The following BTBD10 variants were observed in gnomAD, a reference collection of about 807,000 sequenced individuals.
BTBD10 encodes BTB domain containing 10.
BTBD10 carries 21 observed loss-of-function variants against 53.2 expected under a neutral mutation model. The ratio of observed to expected loss-of-function variants is 0.39; its 90% CI spans 0.28 to 0.57. BTBD10 has a LOEUF of 0.57. Among genes scored for constraint, BTBD10 ranks in the 20% least tolerant of loss-of-function variants. BTBD10 has a pLI of 0.53. For missense variants in BTBD10, 360 were observed against 594.7 expected (o/e 0.61, Z 4.10); for synonymous variants, 149 against 192.7 (o/e 0.77, Z 1.88).
At chr11:13,409,598 C>G (rs1299317488) in intron 6 of BTBD10, among the ~76,000 whole-genome samples, 2 of 152,116 alleles carry the variant, frequency 1.3e-5, no homozygotes, top group African/African-American at 4.8e-5. Flanking sequence ...CATTCCTTCC[C>G]ACTTAAACCT....
intron 1 of BTBD10, among the ~76,000 whole-genome samples, chr11:13,455,226 A>G (rs1463581687): frequency 6.6e-6 from 1 of 152,148 alleles, no homozygotes; most frequent in Non-Finnish European, 1.5e-5. Flanking sequence ...TTGTCCACTT[A>G]AAGGGTGATC....
chr11:13,408,286 C>A (rs1159691865), intron 6 of BTBD10, among the ~76,000 whole-genome samples: 1 of 152,190 alleles, frequency 6.6e-6, no homozygotes, highest in Non-Finnish European at 1.5e-5. Flanking sequence ...TACATTCCCC[C>A]AACATCTGCT....
At chr11:13,396,486 AC>A (rs1466705194) in intron 8 of BTBD10, among the ~76,000 whole-genome samples, 3 of 152,190 alleles carry the variant, frequency 2.0e-5, no homozygotes, top group African/African-American at 4.8e-5. Context: ...TCATCTGCAA[AC>A]AGGGACAATT....
chr11:13,437,736 CTG>C (rs1049109980), intron 2 of BTBD10, among the ~76,000 whole-genome samples: 19 of 152,142 alleles, frequency 1.2e-4, no homozygotes, highest in African/African-American at 4.6e-4. Flanking sequence ...CATTTTTAAA[CTG>C]TTTTTCTTCA....
Position 13,388,653 on chromosome 11 carries a change from A to G in BTBD10, c.*178T>C, listed in dbSNP as rs1591076520. 2 of 605,334 alleles carry G rather than the reference A, an allele frequency of 3.3e-6. No individual in the cohort carries two copies. The highest frequency in any genetic ancestry group is 2.8e-5 in the East Asian group (1 of 35,612). The allele number at this position is 605,334 out of a possible 1,614,324, so 37.5% of individuals were successfully genotyped here. A position where few individuals can be genotyped will look rare whatever the true frequency, so the allele number is the denominator to read the frequency against. ...TGGAACTTCAAAATGCTAGAGTTGT[A>G]CTCATTTAAAAAAAAACCATTCAGC... On this transcript the variant is annotated 3_prime_UTR_variant, in exon 9 of 9. Transcript: ENST00000278174.
intron 6 of BTBD10, among the ~76,000 whole-genome samples, chr11:13,409,711 G>A (rs1949900150): frequency 6.6e-6 from 1 of 152,006 alleles, no homozygotes. Flanking sequence ...ATTCTCCACA[G>A]ACCCTTTGTC....
At chr11:13,441,206 G>A (rs1202677707) in intron 2 of BTBD10, among the ~76,000 whole-genome samples, 3 of 152,048 alleles carry the variant, frequency 2.0e-5, no homozygotes, top group Admixed American at 2.0e-4. Flanking sequence ...GTCCATCCAT[G>A]TTCAGACTAG....
At chr11:13,405,587 G>A in intron 7 of BTBD10, 72 bp downstream of exon 7, 1 of 1,545,916 alleles carries the variant, frequency 6.5e-7, no homozygotes, top group South Asian at 1.1e-5. Context: ...TCTATGAGAA[G>A]AGCTCTTCTT....
Position 13,445,166 on chromosome 11 carries a change from A to G in BTBD10, c.-42T>C. 4.3e-6 allele frequency: 6 copies of G among 1,403,232 alleles called. No individual in the cohort carries two copies. The highest frequency in any genetic ancestry group is 1.7e-5 in the Admixed American group (1 of 59,510). The allele number at this position is 1,403,232 out of a possible 1,614,324, so 86.9% of individuals were successfully genotyped here. ...TCACACTACTGCTCTGAAAGCACACATGTAGCACCCATAACCTACATAAAA... is the reference window on the plus strand; with the variant it reads ...TCACACTACTGCTCTGAAAGCACACGTGTAGCACCCATAACCTACATAAAA... On this transcript the variant is annotated 5_prime_UTR_variant, in exon 2 of 9. An upstream start codon of the reference 5' UTR is lost. Transcript: ENST00000278174.
intron 6 of BTBD10, among the ~76,000 whole-genome samples, chr11:13,412,486 G>A (rs1949980021): frequency 6.6e-6 from 1 of 152,044 alleles, no homozygotes; most frequent in Non-Finnish European, 1.5e-5. Context: ...CAAAAACCCA[G>A]CAACGTTGTT....
intron 1 of BTBD10, among the ~76,000 whole-genome samples, chr11:13,451,061 T>G (rs915213482): frequency 6.6e-6 from 1 of 152,054 alleles, no homozygotes; most frequent in Non-Finnish European, 1.5e-5. Flanking sequence ...AGCTGAAATT[T>G]CAGGTAGATG....
intron 2 of BTBD10, among the ~76,000 whole-genome samples, chr11:13,435,173 G>GA (rs1259206400): frequency 6.6e-6 from 1 of 152,072 alleles, no homozygotes; most frequent in African/African-American, 2.4e-5. Flanking sequence ...TTCCTAGCAT[G>GA]AAAAATTTTT....
chr11:13,415,165 G>T (rs1950071211), intron 5 of BTBD10, among the ~76,000 whole-genome samples: 1 of 144,052 alleles, frequency 6.9e-6, no homozygotes, highest in Non-Finnish European at 1.5e-5. Context: ...CTAGGCTGGA[G>T]TGCAATGGTG....
intron 8 of BTBD10, among the ~76,000 whole-genome samples, chr11:13,395,720 G>A: frequency 6.6e-6 from 1 of 152,134 alleles, no homozygotes; most frequent in Non-Finnish European, 1.5e-5. Context: ...TTTGTATAAG[G>A]TGTAAGGAAG....
At chr11:13,418,815 T>A (rs1950180128) in intron 4 of BTBD10, among the ~76,000 whole-genome samples, 1 of 152,194 alleles carries the variant, frequency 6.6e-6, no homozygotes, top group East Asian at 1.9e-4. Context: ...AAGGTACAGT[T>A]TGGACATGGT....
intron 2 of BTBD10, among the ~76,000 whole-genome samples, chr11:13,429,387 G>A (rs1950406325): frequency 6.6e-6 from 1 of 152,056 alleles, no homozygotes; most frequent in Non-Finnish European, 1.5e-5. Context: ...CTGATTTCAA[G>A]ACATATTAAA....
At chr11:13,414,027 T>A (rs899508499) in intron 5 of BTBD10, among the ~76,000 whole-genome samples, 2 of 152,194 alleles carry the variant, frequency 1.3e-5, no homozygotes, top group African/African-American at 2.4e-5. Flanking sequence ...AACATTTTTT[T>A]AAAAAGTAAG....
At chr11:13,418,104 A>G (rs1394932236) in intron 4 of BTBD10, among the ~76,000 whole-genome samples, 1 of 152,068 alleles carries the variant, frequency 6.6e-6, no homozygotes, top group Non-Finnish European at 1.5e-5. Context: ...TCTACTCAGT[A>G]GTTTCCTAAT....
chr11:13,449,511 G>C (rs1402049868), intron 1 of BTBD10, among the ~76,000 whole-genome samples: 1 of 151,804 alleles, frequency 6.6e-6, no homozygotes, highest in Non-Finnish European at 1.5e-5. Context: ...AAAAAGAATT[G>C]ATATTTTTGC....
Sources: gnomAD v4.1 joint callset for allele counts (sites outside exome capture counted in the v4.1 genomes callset) on GRCh38, gnomAD v4.1.1 for gene constraint, MANE v1.5 for transcripts, NCBI Gene and HGNC (gene_info 2026-07-23, HGNC 2026-07-21) for gene names.